ITGA11: variants seen among roughly 807,000 people sequenced by gnomAD.
The protein encoded by ITGA11 is integrin alpha-11.
In ITGA11, 97 loss-of-function variants were observed where a neutral mutation model predicts 141.9. The observed-to-expected ratio is 0.68, with a 90% CI of 0.58 to 0.81. The LOEUF is 0.81. ITGA11 is among the 30% of genes least tolerant of loss of function. ITGA11 has a pLI of 0.00. For synonymous variants in ITGA11, 658 were observed against 624.6 expected (o/e 1.05, Z -0.80); for missense variants, 1,387 against 1,559.2 (o/e 0.89, Z 1.86).
chr15:68,296,587 T>C lies in ITGA11; in HGVS notation c.*6472A>G, dbSNP rs1194643123. ...AACATTGAACACTTTCATATATTTATTGACTATTGGTGTTTGCTTTGGGGT... is the reference window on the plus strand; with the variant it reads ...AACATTGAACACTTTCATATATTTACTGACTATTGGTGTTTGCTTTGGGGT... On this transcript the variant is annotated 3_prime_UTR_variant, in exon 30 of 30. Coordinates refer to ENST00000315757, the MANE Select transcript of ITGA11 (RefSeq NM_001004439.2). The C allele has an allele frequency of 6.6e-6, 1 of 151,940 alleles. No individual in the cohort carries two copies. The highest frequency in any genetic ancestry group is 2.4e-5 in the African/African-American group (1 of 41,178). 9.4% of individuals were successfully genotyped at this position (151,940 alleles called of 1,614,324 possible).
intron 20 of ITGA11, among the ~76,000 whole-genome samples, chr15:68,318,411 C>T (rs747770161): frequency 6.6e-6 from 1 of 152,162 alleles, no homozygotes; most frequent in African/African-American, 2.4e-5. Context: ...TTGATTCCCT[C>T]CGTATACCTG....
At position 68,326,754 on chromosome 15, in the gene ITGA11, G is replaced by A. The variant is rs773475877; in HGVS notation, c.2111C>T (p.Pro704Leu). 29 of 1,580,922 alleles carry A rather than the reference G, an allele frequency of 1.8e-5. No homozygotes were observed. The highest frequency in any genetic ancestry group is 8.1e-5 in the African/African-American group (6 of 74,040). ...NATMDERRYT[P>L]RAHLDEGGDR... is the part of the protein sequence containing the mutation. ...CCCGCCCTCGTCCAGGTGGGCCCTC[G>A]GTGTATACCGCCTCTCATCCATGGT... The change falls in exon 17 of 30, where the codon CCG becomes CTG. Residue 704 changes from proline to leucine, a missense_variant. Transcript: ENST00000315757. The surrounding 1 kb of genome is among the most constrained non-coding windows in gnomAD (Gnocchi z 6.8).
intron 3 of ITGA11, among the ~76,000 whole-genome samples, chr15:68,366,440 G>A (rs184858853): frequency 1.3e-3 from 191 of 152,294 alleles, no homozygotes; most frequent in African/African-American, 4.5e-3. Context: ...ATGGCATCAC[G>A]GTGGCAGTGG....
At chr15:68,380,319 G>A (rs1288634312) in intron 2 of ITGA11, among the ~76,000 whole-genome samples, 3 of 152,228 alleles carry the variant, frequency 2.0e-5, no homozygotes, top group African/African-American at 7.2e-5. Context: ...GATGGGCTAA[G>A]TGACCCACGG....
intron 1 of ITGA11, among the ~76,000 whole-genome samples, chr15:68,422,723 C>G (rs1327640473): frequency 1.3e-5 from 2 of 152,212 alleles, no homozygotes; most frequent in African/African-American, 2.4e-5. Context: ...CTCCGGCATC[C>G]TGCCCACCAA....
chr15:68,404,588 T>C (rs1020843352), intron 1 of ITGA11, among the ~76,000 whole-genome samples: 1 of 152,168 alleles, frequency 6.6e-6, no homozygotes, highest in Non-Finnish European at 1.5e-5. Flanking sequence ...GTGAGCATCG[T>C]CCTCACTTGG....
At chr15:68,378,624 C>G (rs1233547169) in intron 2 of ITGA11, among the ~76,000 whole-genome samples, 1 of 152,152 alleles carries the variant, frequency 6.6e-6, no homozygotes, top group African/African-American at 2.4e-5. Context: ...GCCTGGGTGA[C>G]AGAGAGAGAT....
chr15:68,423,126 T>A (rs967786936), intron 1 of ITGA11, among the ~76,000 whole-genome samples: 2 of 152,196 alleles, frequency 1.3e-5, no homozygotes, highest in African/African-American at 2.4e-5. Context: ...ACATCTTAAC[T>A]GAGCACCTGC....
In ITGA11 at chr15:68,298,092, T is replaced by G. The variant is rs1362256976; in HGVS notation, c.*4967A>C. 1 of 152,206 alleles carries G rather than the reference T, an allele frequency of 6.6e-6. No individual in the cohort carries two copies. The highest frequency in any genetic ancestry group is 2.4e-5 in the African/African-American group (1 of 41,456). 9.4% of individuals were successfully genotyped at this position (152,206 alleles called of 1,614,324 possible). The stretch of plus-strand genomic sequence containing the variant: ...GTTTTAAAACATTTTTTTCTTTGTT[T>G]CAAGTAATGTCTGCTGTATATGACA... On this transcript the variant is annotated 3_prime_UTR_variant, in exon 30 of 30. Coordinates refer to ENST00000315757, the MANE Select transcript of ITGA11 (RefSeq NM_001004439.2).
In ITGA11 at chr15:68,325,345, G is replaced by T; in HGVS notation, c.2212-104C>A. ...GAACTTCCACCTTCCTTAGATGGCA[G>T]GGCAGCTGCCCTGTGCCCTCAGGGT... On this transcript the variant is annotated intron_variant, in intron 17 of 29. Transcript: ENST00000315757. This position sits in a 1 kb window ranked among gnomAD's most constrained non-coding sequence, Gnocchi z 5.5. 1 of 781,942 alleles carries T rather than the reference G, an allele frequency of 1.3e-6. No individual in the cohort carries two copies. Among genetic ancestry groups the T allele is most frequent in the East Asian group, 2.6e-5 (1 of 38,262 alleles). 48.4% of individuals were successfully genotyped at this position (781,942 alleles called of 1,614,324 possible).
intron 10 of ITGA11, 115 bp from the exon 11 acceptor site, chr15:68,339,759 C>G: frequency 8.4e-7 from 1 of 1,191,718 alleles, no homozygotes; most frequent in Non-Finnish European, 1.2e-6. Flanking sequence ...GCACCTTCTC[C>G]TGGGTGCATT....
Position 68,326,877 on chromosome 15 carries a change from C to A in ITGA11, c.2069-81G>T. On this transcript the variant is annotated intron_variant, in intron 16 of 29. Coordinates refer to ENST00000315757, the MANE Select transcript of ITGA11 (RefSeq NM_001004439.2). The surrounding 1 kb of genome is among the most constrained non-coding windows in gnomAD (Gnocchi z 6.8). ...CTGTCTGCCTCCTCCAGGAAGCCCC[C>A]CAGGCTGGCCAGGGGAGAGCTGTTC... 1 of 1,452,754 alleles carries A rather than the reference C, an allele frequency of 6.9e-7. No homozygotes were observed. The allele number at this position is 1,452,754 out of a possible 1,614,324, so 90.0% of individuals were successfully genotyped here.
chr15:68,424,217 C>T (rs1283940787), intron 1 of ITGA11, among the ~76,000 whole-genome samples: 2 of 152,228 alleles, frequency 1.3e-5, no homozygotes, highest in African/African-American at 4.8e-5. Context: ...CTCAGCTTCT[C>T]AAACTCTCAA....
rs1893768437 is a variant in ITGA11 at position 68,320,518 on chromosome 15, C to T, written c.2409-126G>A. The T allele has an allele frequency of 4.4e-6, 3 of 682,198 alleles. No individual in the cohort carries two copies. In the East Asian group the frequency reaches 8.2e-5, roughly 19 times the overall value. The allele number at this position is 682,198 out of a possible 1,614,324, so 42.3% of individuals were successfully genotyped here. ...GACTGGCCTCTGCTCATGGGAATAGCCACTGGGAGGAGAGTGGAAATGGAT... is the reference window on the plus strand; with the variant it reads ...GACTGGCCTCTGCTCATGGGAATAGTCACTGGGAGGAGAGTGGAAATGGAT... On this transcript the variant is annotated intron_variant, in intron 19 of 29. Transcript: ENST00000315757.
intron 2 of ITGA11, among the ~76,000 whole-genome samples, chr15:68,387,308 C>T (rs532805221): frequency 6.6e-5 from 10 of 152,232 alleles, no homozygotes; most frequent in South Asian, 2.1e-4. Context: ...GGCATCTACA[C>T]GGTGATTCTG....
chr15:68,391,026 G>A (rs1008983685), intron 2 of ITGA11, among the ~76,000 whole-genome samples: 121 of 152,294 alleles, frequency 7.9e-4, no homozygotes, highest in African/African-American at 2.8e-3. Context: ...ACACCCATAG[G>A]GTCCTAGGTC....
In ITGA11 at chr15:68,350,785, G is replaced by GC. The variant is rs1894883830; in HGVS notation, c.895-4dup. 1 of 1,610,794 alleles carries GC rather than the reference G, an allele frequency of 6.2e-7. No homozygotes were observed. Among genetic ancestry groups the GC allele is most frequent in the African/African-American group, 1.3e-5 (1 of 74,880 alleles). ...CTGCGGTTGTAGTAGCCCAGGACCT[G>GC]CCAGGGAACAGGGGCAGGAACCACA... On this transcript the variant is annotated splice_polypyrimidine_tract_variant and splice_region_variant and intron_variant, in intron 8 of 29. Transcript: ENST00000315757.
chr15:68,337,965 T>G (rs1293378121), intron 11 of ITGA11, among the ~76,000 whole-genome samples: 1 of 152,188 alleles, frequency 6.6e-6, no homozygotes, highest in African/African-American at 2.4e-5. Flanking sequence ...CTCCAGCTCC[T>G]ACACAGTAGG....
At chr15:68,372,956 C>A (rs1895633158) in intron 2 of ITGA11, among the ~76,000 whole-genome samples, 1 of 152,176 alleles carries the variant, frequency 6.6e-6, no homozygotes, top group Non-Finnish European at 1.5e-5. Flanking sequence ...ATTATACCAG[C>A]ATAAACTGTC....
Sources: allele counts gnomAD v4.1 joint callset (sites outside exome capture counted in the v4.1 genomes callset), GRCh38; gene constraint gnomAD v4.1.1; non-coding constraint Gnocchi (gnomAD v3.1); transcripts MANE v1.5; gene names NCBI Gene and HGNC (gene_info 2026-07-23, HGNC 2026-07-21).